The following ARNT2 variants were observed in gnomAD, a reference collection of about 807,000 sequenced individuals.
ARNT2 encodes the protein ARNT protein 2.
Under a neutral mutation model 91.7 loss-of-function variants are expected in ARNT2, and 36 were observed. That is an observed-to-expected ratio of 0.39 (90% CI 0.30 to 0.52). The LOEUF is 0.52. ARNT2 is among the 20% of genes least tolerant of loss of function. The pLI, the probability that ARNT2 is intolerant of heterozygous loss-of-function variation, is 0.72. For missense variants in ARNT2, 775 were observed against 939.3 expected (o/e 0.83, Z 2.29); for synonymous variants, 365 against 347.1 (o/e 1.05, Z -0.57).
At chr15:80,471,171 T>C (rs530594891) in intron 4 of ARNT2, among the ~76,000 whole-genome samples, 2 of 152,238 alleles carry the variant, frequency 1.3e-5, no homozygotes, top group Non-Finnish European at 2.9e-5. Flanking sequence ...ATGTGGTACA[T>C]ATACACCATA....
At chr15:80,494,582 G>A (rs1897099755) in intron 5 of ARNT2, among the ~76,000 whole-genome samples, 1 of 152,222 alleles carries the variant, frequency 6.6e-6, no homozygotes, top group Non-Finnish European at 1.5e-5. Context: ...AGCAGAAGAG[G>A]TGCCGGCCAT....
In ARNT2 at chr15:80,591,884, C is replaced by T. The variant is rs566682689; in HGVS notation, c.2055+180C>T. 2 of 591,266 alleles carry T rather than the reference C, an allele frequency of 3.4e-6. No individual in the cohort carries two copies. Among genetic ancestry groups the T allele is most frequent in the East Asian group, 1.4e-4 (1 of 7,054 alleles). The allele number at this position is 591,266 out of a possible 1,614,324, so 36.6% of individuals were successfully genotyped here. ...CCTACCCAGCCAGAAACGTCAGGTG[C>T]ATGTGGGAAGGAGAAGGGGCTGATG... On this transcript the variant is annotated intron_variant, in intron 18 of 18. Transcript: ENST00000303329. The surrounding 1 kb of genome is among the most constrained non-coding windows in gnomAD (Gnocchi z 5.1).
chr15:80,479,735 G>A (rs1485788686), intron 5 of ARNT2, among the ~76,000 whole-genome samples: 1 of 152,130 alleles, frequency 6.6e-6, no homozygotes, highest in African/African-American at 2.4e-5. Context: ...CAGAAACAGG[G>A]TGCCTTCCTC....
intron 8 of ARNT2, among the ~76,000 whole-genome samples, chr15:80,522,850 AT>A (rs1193582035): frequency 2.7e-5 from 4 of 148,844 alleles, no homozygotes; most frequent in African/African-American, 1.0e-4. Flanking sequence ...ACATTAAAAA[AT>A]TTTTTTCTAC....
intron 5 of ARNT2, among the ~76,000 whole-genome samples, chr15:80,479,100 C>T (rs1022934358): frequency 3.9e-5 from 6 of 152,172 alleles, no homozygotes; most frequent in Non-Finnish European, 7.3e-5. Flanking sequence ...TTCAATGTCT[C>T]ATTCGTTGGA....
intron 11 of ARNT2, among the ~76,000 whole-genome samples, chr15:80,562,131 G>A (rs1301989190): frequency 2.0e-5 from 3 of 150,804 alleles, no homozygotes; most frequent in African/African-American, 7.3e-5. Context: ...CTGGAGTGCA[G>A]TGACGCAATG....
intron 1 of ARNT2, among the ~76,000 whole-genome samples, chr15:80,427,152 G>A (rs1252937541): frequency 6.6e-6 from 1 of 152,078 alleles, no homozygotes; most frequent in East Asian, 1.9e-4. Flanking sequence ...CCGTGTTTGG[G>A]GCAATAAGGT....
Position 80,526,820 on chromosome 15 carries a change from A to G in ARNT2, c.877+12415A>G, listed in dbSNP as rs115066570. ...CTTCACCAGACAGCTCAGTTTTGCC[A>G]TGAGCTCATCTACAAGAACCTTGCA... On this transcript the variant is annotated intron_variant, in intron 8 of 18. Transcript: ENST00000303329. Among the ~76,000 whole-genome samples the G allele has an allele frequency of 4.2e-3, 643 of 152,344 alleles. 3 individuals are homozygous for G. The highest frequency in any genetic ancestry group is 0.014 in the African/African-American group (579 of 41,574).
intron 5 of ARNT2, among the ~76,000 whole-genome samples, chr15:80,497,069 G>A (rs769456731): frequency 4.6e-5 from 7 of 152,186 alleles, no homozygotes; most frequent in East Asian, 1.9e-4. Flanking sequence ...CCTAAGTGTC[G>A]ATAATGTTGG....
chr15:80,583,805 A>G (rs1898842103), intron 17 of ARNT2, among the ~76,000 whole-genome samples: 1 of 151,992 alleles, frequency 6.6e-6, no homozygotes, highest in South Asian at 2.1e-4. Context: ...CCCATCCACT[A>G]CTCTGTACTT....
At chr15:80,544,450 A>G (rs899750632) in intron 8 of ARNT2, among the ~76,000 whole-genome samples, 10 of 151,838 alleles carry the variant, frequency 6.6e-5, no homozygotes, top group Admixed American at 6.6e-5. Context: ...CATTTCTTGC[A>G]TTTGTTTTGT....
At chr15:80,526,189 C>T (rs1897637367) in intron 8 of ARNT2, among the ~76,000 whole-genome samples, 1 of 152,202 alleles carries the variant, frequency 6.6e-6, no homozygotes, top group African/African-American at 2.4e-5. Context: ...AGGCTTTATA[C>T]TGAATAGGTT....
At chr15:80,575,193 A>G (rs1356233601) in intron 14 of ARNT2, 83 bp downstream of exon 14, 11 of 1,546,978 alleles carry the variant, frequency 7.1e-6, no homozygotes, top group Non-Finnish European at 9.7e-6. Context: ...TACTCTTAGT[A>G]AGAGGGGGCC....
chr15:80,585,242 G>T (rs1344973917), intron 17 of ARNT2, among the ~76,000 whole-genome samples: 1 of 152,128 alleles, frequency 6.6e-6, no homozygotes, highest in Non-Finnish European at 1.5e-5. Flanking sequence ...TTGAAATGTA[G>T]CATCCACTAG....
intron 1 of ARNT2, among the ~76,000 whole-genome samples, chr15:80,448,072 G>GT (rs11402416): frequency 0.035 from 5,266 of 150,844 alleles, 287 homozygotes; most frequent in African/African-American, 0.12. Flanking sequence ...TTGCTTGAGT[G>GT]TTTTTTTTTC....
intron 1 of ARNT2, among the ~76,000 whole-genome samples, chr15:80,430,039 A>G (rs2141568090): frequency 6.6e-6 from 1 of 152,224 alleles, no homozygotes; most frequent in Non-Finnish European, 1.5e-5. Flanking sequence ...CCTGTCCTTG[A>G]GGCCCCACCA....
chr15:80,464,178 G>T (rs1181901350), intron 3 of ARNT2, among the ~76,000 whole-genome samples: 1 of 152,162 alleles, frequency 6.6e-6, no homozygotes, highest in Non-Finnish European at 1.5e-5. Flanking sequence ...ACTAGGACCA[G>T]TTAGTGCTCT....
intron 11 of ARNT2, among the ~76,000 whole-genome samples, chr15:80,558,163 A>G (rs773507615): frequency 6.6e-6 from 1 of 152,014 alleles, no homozygotes; most frequent in South Asian, 2.1e-4. Context: ...TGTCTCAGGG[A>G]TGCCCTCTGT....
chr15:80,550,479 A>G (rs1898064426), intron 8 of ARNT2, among the ~76,000 whole-genome samples: 1 of 152,218 alleles, frequency 6.6e-6, no homozygotes, highest in African/African-American at 2.4e-5. Flanking sequence ...GAGGTATCAA[A>G]AAGGAATGCT....
Sources: allele counts gnomAD v4.1 joint callset (sites outside exome capture counted in the v4.1 genomes callset), GRCh38; gene constraint gnomAD v4.1.1; non-coding constraint Gnocchi (gnomAD v3.1); transcripts MANE v1.5; gene names NCBI Gene and HGNC (gene_info 2026-07-23, HGNC 2026-07-21).